The following ZDHHC5 variants were observed in gnomAD, a reference collection of about 807,000 sequenced individuals.
The protein encoded by ZDHHC5 is palmitoyltransferase ZDHHC5.
A neutral mutation model predicts 70.0 loss-of-function variants in ZDHHC5; 22 were observed. The ratio of observed to expected loss-of-function variants is 0.31; its 90% CI spans 0.22 to 0.45. The LOEUF is 0.45. Among genes scored for constraint, ZDHHC5 ranks in the 20% least tolerant of loss-of-function variants. ZDHHC5 has a pLI of 1.00. For synonymous variants in ZDHHC5, 313 were observed against 347.8 expected (o/e 0.90, Z 1.11); for missense variants, 746 against 926.9 (o/e 0.80, Z 2.53).
intron 3 of ZDHHC5, among the ~76,000 whole-genome samples, chr11:57,687,573 G>GA (rs928730091): frequency 6.1e-5 from 9 of 147,748 alleles, no homozygotes; most frequent in African/African-American, 7.4e-5. Context: ...TCCGTCTCAA[G>GA]AAAAAAAAAA....
chr11:57,669,815 C>G (rs948454344), intron 1 of ZDHHC5, among the ~76,000 whole-genome samples: 2 of 152,234 alleles, frequency 1.3e-5, no homozygotes, highest in Non-Finnish European at 2.9e-5. Context: ...ACTGTTGACT[C>G]TGATGAACCA....
chr11:57,668,691 C>T (rs954425145), intron 1 of ZDHHC5: 1 of 152,582 alleles, frequency 6.6e-6, no homozygotes, highest in Non-Finnish European at 1.5e-5. Flanking sequence ...TCTGCTGATA[C>T]TTATTTTGGC....
At chr11:57,687,920 G>A (rs995037145) in intron 3 of ZDHHC5, among the ~76,000 whole-genome samples, 2 of 151,700 alleles carry the variant, frequency 1.3e-5, no homozygotes, top group Non-Finnish European at 2.9e-5. Context: ...ACAGGTGCAT[G>A]CCACCACACC....
chr11:57,697,380 G>A (rs34430954), intron 10 of ZDHHC5, among the ~76,000 whole-genome samples: 8,816 of 152,070 alleles, frequency 0.058, 853 homozygotes, highest in African/African-American at 0.2. Flanking sequence ...GGAGAATGGC[G>A]TGAACCCAGG....
At chr11:57,696,988 A>G (rs1005438697) in intron 10 of ZDHHC5, 115 bp downstream of exon 10, 9 of 1,040,390 alleles carry the variant, frequency 8.7e-6, no homozygotes. Context: ...CAAGGTCAAG[A>G]GATTGAGACC....
At position 57,690,389 on chromosome 11, in the gene ZDHHC5, G is replaced by A. The variant is rs771946959; in HGVS notation, c.612G>A (p.Thr204=). Residue 204 remains threonine, a synonymous_variant, in exon 6 of 12, where the codon ACG becomes ACA. Coordinates refer to ENST00000287169, the MANE Select transcript of ZDHHC5 (RefSeq NM_015457.3). ...GLFFIPVAGL[T]GFHVVLVARG... is the part of the protein sequence containing the mutation. ...TCTTCATCCCTGTAGCTGGCCTCAC[G>A]GGATTTCACGTGGTTCTGGTGGCCA... 15 of 1,614,030 alleles carry A rather than the reference G, an allele frequency of 9.3e-6. No homozygotes were observed. The highest frequency in any genetic ancestry group is 4.5e-5 in the East Asian group (2 of 44,902).
chr11:57,682,578 C>T, intron 3 of ZDHHC5, 35 bp downstream of exon 3: 1 of 1,605,050 alleles, frequency 6.2e-7, no homozygotes, highest in Non-Finnish European at 8.5e-7. Context: ...GCACCTTACA[C>T]TGCCTTTGAA....
intron 9 of ZDHHC5, 96 bp downstream of exon 9, chr11:57,696,139 T>C (rs925392329): frequency 2.7e-6 from 4 of 1,489,596 alleles, no homozygotes; most frequent in Non-Finnish European, 3.6e-6. Flanking sequence ...CTGGGAGATA[T>C]TACTCGTGTT....
intron 8 of ZDHHC5, among the ~76,000 whole-genome samples, chr11:57,694,457 G>GTTCAAGCGA (rs1946324336): frequency 1.3e-5 from 2 of 150,648 alleles, no homozygotes; most frequent in East Asian, 3.9e-4. Flanking sequence ...TGCCTCCCAG[G>GTTCAAGCGA]TTCAAGCGAT....
rs373253546 is a variant in ZDHHC5, at chr11:57,688,493, T to C, written c.227-15T>C. 1.3e-6 allele frequency: 2 copies of C among 1,530,356 alleles called. No homozygotes were observed. The highest frequency in any genetic ancestry group is 1.8e-6 in the Non-Finnish European group (2 of 1,134,706). 94.8% of individuals were successfully genotyped at this position (1,530,356 alleles called of 1,614,324 possible). A position where few individuals can be genotyped will look rare whatever the true frequency, so the allele number is the denominator to read the frequency against. ...TCTGGCATAGTTGTTTTTAATTGAC[T>C]TTTCCTCTCTACAGCTGAGGAGGAT... On this transcript the variant is annotated splice_polypyrimidine_tract_variant and intron_variant, in intron 3 of 11. Coordinates refer to ENST00000287169, the MANE Select transcript of ZDHHC5 (RefSeq NM_015457.3).
rs748468699 is a variant in ZDHHC5, at chr11:57,686,219, T to C, written c.227-2289T>C. Among the ~76,000 whole-genome samples, 88 of 152,110 alleles carry C rather than the reference T, an allele frequency of 5.8e-4. 1 individual carries two copies. Among genetic ancestry groups the C allele is most frequent in the Non-Finnish European group, 3.4e-4 (23 of 68,016 alleles). Reference sequence around the variant, plus strand: ...TGAGCCCAGGAGTTCAGGGCTGCAGTGAGCTGTGGTCGCAGCACAGCACTC... The same window carrying C: ...TGAGCCCAGGAGTTCAGGGCTGCAGCGAGCTGTGGTCGCAGCACAGCACTC... On this transcript the variant is annotated intron_variant, in intron 3 of 11. Transcript: ENST00000287169.
intron 8 of ZDHHC5, among the ~76,000 whole-genome samples, chr11:57,695,103 A>C (rs996428309): frequency 1.3e-5 from 2 of 152,134 alleles, no homozygotes; most frequent in Non-Finnish European, 2.9e-5. Flanking sequence ...TCTCTATTAA[A>C]AATACAAAAT....
intron 3 of ZDHHC5, among the ~76,000 whole-genome samples, chr11:57,687,929 C>T (rs2135393831): frequency 6.6e-6 from 1 of 151,774 alleles, no homozygotes; most frequent in East Asian, 2.0e-4. Flanking sequence ...TGCCACCACA[C>T]CAGGCTAATT....
At chr11:57,675,957 A>G (rs550748152) in intron 2 of ZDHHC5, among the ~76,000 whole-genome samples, 1 of 152,324 alleles carries the variant, frequency 6.6e-6, no homozygotes, top group East Asian at 1.9e-4. Flanking sequence ...GGGGCTGTAA[A>G]TCTGTAACTA....
chr11:57,699,403 C>T lies in ZDHHC5; in HGVS notation c.1967C>T (p.Pro656Leu). 1 of 1,575,040 alleles carries T rather than the reference C, an allele frequency of 6.3e-7. No individual in the cohort carries two copies. Among genetic ancestry groups the T allele is most frequent in the Non-Finnish European group, 8.6e-7 (1 of 1,160,882 alleles). ...VSETEEVALQ[P>L]LLTPKDEVQL... Reference sequence around the variant, plus strand: ...GAGACAGAAGAAGTGGCCTTGCAGCCATTACTGACACCCAAGTAAGTATTA... The same window carrying T: ...GAGACAGAAGAAGTGGCCTTGCAGCTATTACTGACACCCAAGTAAGTATTA... Residue 656 changes from proline (P) to leucine (L), a missense_variant, in exon 11 of 12, where the codon CCA becomes CTA. Around this residue, in one of 6 missense-constraint regions of ZDHHC5, gnomAD observed 340 missense variants for 350.1 expected, o/e 0.97. Transcript: ENST00000287169.
chr11:57,688,003 T>C (rs1590865552), intron 3 of ZDHHC5, among the ~76,000 whole-genome samples: 1 of 151,978 alleles, frequency 6.6e-6, no homozygotes, highest in Non-Finnish European at 1.5e-5. Flanking sequence ...ACTCCTGAGC[T>C]CAGGCAATCC....
chr11:57,690,241 G>C (rs1243283048), intron 5 of ZDHHC5, 38 bp downstream of exon 5: 20 of 1,613,142 alleles, frequency 1.2e-5, no homozygotes, highest in Non-Finnish European at 1.4e-5. Flanking sequence ...GGATTGGAAG[G>C]GGGAGGAATG....
chr11:57,686,142 G>A (rs1204184338), intron 3 of ZDHHC5, among the ~76,000 whole-genome samples: 2 of 152,260 alleles, frequency 1.3e-5, no homozygotes, highest in East Asian at 3.9e-4. Context: ...TGGGCATGCT[G>A]GTGCCCACCT....
chr11:57,686,891 C>T (rs1234309942), intron 3 of ZDHHC5, among the ~76,000 whole-genome samples: 1 of 150,678 alleles, frequency 6.6e-6, no homozygotes, highest in African/African-American at 2.4e-5. Flanking sequence ...AGTGCAGTGG[C>T]ATGATCTTGG....
Sources: gnomAD v4.1 joint callset for allele counts (sites outside exome capture counted in the v4.1 genomes callset) on GRCh38, gnomAD v4.1.1 for gene constraint, gnomAD v4.1.1 regional missense constraint, MANE v1.5 for transcripts, NCBI Gene and HGNC (gene_info 2026-07-23, HGNC 2026-07-21) for gene names.